SYNM: variants seen among roughly 807,000 people sequenced by gnomAD.
SYNM encodes synemin.
In SYNM, 95 loss-of-function variants were observed where a neutral mutation model predicts 104.0. That is an observed-to-expected ratio of 0.91 (90% CI 0.77 to 1.08). The LOEUF is 1.08. Ranked by LOEUF, SYNM falls within the 50% of genes least tolerant of loss-of-function variation. SYNM has a pLI of 0.00. For synonymous variants in SYNM, 918 were observed against 869.0 expected (o/e 1.06, Z -0.99); for missense variants, 2,150 against 2,052.2 (o/e 1.05, Z -0.92).
At chr15:99,139,111 T>G, downstream of SYNM, 1 of 706,436 alleles carries the variant, frequency 1.4e-6, no homozygotes, top group Non-Finnish European at 2.5e-6. Context: ...TATTTCTGAC[T>G]TAAAGGATGA....
downstream of SYNM, chr15:99,136,787 G>C (rs1050090015): frequency 4.6e-5 from 7 of 152,242 alleles, no homozygotes; most frequent in Non-Finnish European, 1.0e-4. Context: ...CACTGCTGAT[G>C]TCCGACAGGC....
At chr15:99,139,452 G>A, downstream of SYNM, 2 of 1,611,508 alleles carry the variant, frequency 1.2e-6, no homozygotes, top group Non-Finnish European at 1.7e-6. Context: ...GCTGAGAGCA[G>A]GAAACTAAGG....
chr15:99,107,308 G>A (rs547984035), intron 1 of SYNM, among the ~76,000 whole-genome samples: 3 of 152,250 alleles, frequency 2.0e-5, no homozygotes, highest in Admixed American at 1.3e-4. Context: ...AGTGGCCAGG[G>A]GTCTGAGTTC....
intron 1 of SYNM, among the ~76,000 whole-genome samples, chr15:99,107,942 TTTTGTTTTGTTTTTTTTTTGGTTTTG>T (rs1555483005): frequency 8.2e-6 from 1 of 121,772 alleles, no homozygotes; most frequent in African/African-American, 3.9e-5. Context: ...TTTTTTTGTT[TTTTGTTTTGTTTTTTTTTTGGTTTTG>T]GTTTTGGTTT....
In SYNM at chr15:99,130,946, G is replaced by C. The variant is rs1555485718; in HGVS notation, c.2586G>C (p.Arg862Ser). ...QIHIEEESTI[R>S]YSWQDEIVQG... Reference sequence around the variant, plus strand: ...ACATCGAGGAGGAATCCACCATCAGGTACTCTTGGCAGGATGAAATCGTGC... The same window carrying C: ...ACATCGAGGAGGAATCCACCATCAGCTACTCTTGGCAGGATGAAATCGTGC... Residue 862 changes from arginine to serine, a missense_variant, in exon 4 of 4, where the codon AGG becomes AGC. Physicochemically the swap from Arg to Ser is moderately radical, Grantham distance 110. Transcript: ENST00000336292. 1.2e-6 allele frequency: 2 copies of C among 1,613,860 alleles called. No homozygotes were observed. The highest frequency in any genetic ancestry group is 2.2e-5 in the South Asian group (2 of 91,074).
At chr15:99,127,415 G>A (rs2151807931) in intron 3 of SYNM, among the ~76,000 whole-genome samples, 1 of 152,202 alleles carries the variant, frequency 6.6e-6, no homozygotes, top group African/African-American at 2.4e-5. Context: ...AGAAACTGAG[G>A]GATAACTTGT....
At position 99,130,138 on chromosome 15, in the gene SYNM, C is replaced by T. The variant is rs201950062; in HGVS notation, c.1778C>T (p.Pro593Leu). ...VSQDRRAEVS[P>L]KGLQTPVKDA... Reference sequence around the variant, plus strand: ...CAGGACAGAAGAGCAGAGGTGTCCCCGAAAGGTTTGCAGACGCCTGTGAAG... The same window carrying T: ...CAGGACAGAAGAGCAGAGGTGTCCCTGAAAGGTTTGCAGACGCCTGTGAAG... Residue 593 changes from proline (P) to leucine (L), a missense_variant, in exon 4 of 4, where the codon CCG (proline) becomes CTG (leucine). Transcript: ENST00000336292. The T allele has an allele frequency of 9.7e-5, 156 of 1,613,704 alleles. No individual in the cohort carries two copies. The highest frequency in any genetic ancestry group is 1.2e-4 in the Non-Finnish European group (141 of 1,179,888).
intron 2 of SYNM, among the ~76,000 whole-genome samples, chr15:99,125,278 A>G (rs1555484900): frequency 1.3e-5 from 2 of 152,120 alleles, no homozygotes; most frequent in African/African-American, 4.8e-5. Flanking sequence ...CCTGGCTTTT[A>G]CCCCGAATGT....
Position 99,116,206 on chromosome 15 carries a change from G to A in SYNM, c.935+2491G>A, listed in dbSNP as rs543988926. On this transcript the variant is annotated intron_variant, in intron 2 of 3. Transcript: ENST00000336292. ...CAGACTGGACTTCCCAAAGCCCATT[G>A]TTGGCATTCTCCTTGGAAATCTTGT... 5.2e-5 allele frequency among the ~76,000 whole-genome samples: 8 copies of A among 152,386 alleles called. No homozygotes were observed. In the East Asian group the frequency reaches 1.3e-3, roughly 26 times the overall value.
At chr15:99,138,027 C>T (rs370645537), downstream of SYNM, 21 of 1,614,040 alleles carry the variant, frequency 1.3e-5, no homozygotes, top group South Asian at 4.4e-5. Context: ...GCTGTTGTGC[C>T]GGGCCGGGCC....
At chr15:99,129,315 A>G in intron 3 of SYNM, 52 bp from the exon 4 acceptor site, 2 of 1,586,446 alleles carry the variant, frequency 1.3e-6, no homozygotes, top group Non-Finnish European at 1.7e-6. Flanking sequence ...TGTAGATGGA[A>G]AAGGGTAATG....
chr15:99,108,872 C>T (rs2067274060), intron 1 of SYNM, among the ~76,000 whole-genome samples: 1 of 152,200 alleles, frequency 6.6e-6, no homozygotes, highest in Admixed American at 6.5e-5. Context: ...AATTGCTCTT[C>T]CTAAGGGCTA....
At chr15:99,139,644 T>C, downstream of SYNM, 1 of 1,480,460 alleles carries the variant, frequency 6.8e-7, no homozygotes, top group South Asian at 1.2e-5. Flanking sequence ...ATGCAAAAAA[T>C]AGATTTAAAA....
In SYNM at chr15:99,130,494, A is replaced by G. The variant is rs781814000; in HGVS notation, c.2134A>G (p.Ile712Val). 4 of 1,613,932 alleles carry G rather than the reference A, an allele frequency of 2.5e-6. No individual in the cohort carries two copies. Among genetic ancestry groups the G allele is most frequent in the Non-Finnish European group, 2.5e-6 (3 of 1,179,892 alleles). ...CCTGGACTACCTTTTAAGCAAGGATATTAAGGAAGTGGGGCTGAAAGGCAA... is the reference window on the plus strand; with the variant it reads ...CCTGGACTACCTTTTAAGCAAGGATGTTAAGGAAGTGGGGCTGAAAGGCAA... The part of the protein sequence containing the change: ...AGLDYLLSKD[I>V]KEVGLKGKSA... The change falls in exon 4 of 4, where the codon ATT becomes GTT. Residue 712 changes from isoleucine to valine, a missense_variant. Coordinates refer to ENST00000336292, the MANE Select transcript of SYNM (RefSeq NM_145728.3).
chr15:99,108,189 G>C (rs569229072), intron 1 of SYNM, among the ~76,000 whole-genome samples: 2 of 152,178 alleles, frequency 1.3e-5, no homozygotes, highest in South Asian at 4.2e-4. Flanking sequence ...TGGCCAGCCT[G>C]GTCTCAAACT....
intron 2 of SYNM, among the ~76,000 whole-genome samples, chr15:99,126,199 A>T (rs2151807174): frequency 6.6e-6 from 1 of 152,264 alleles, no homozygotes; most frequent in South Asian, 2.1e-4. Context: ...ATGCAGTTTG[A>T]AACCACAGAT....
At chr15:99,125,388 T>C (rs1482190416) in intron 2 of SYNM, among the ~76,000 whole-genome samples, 1 of 152,224 alleles carries the variant, frequency 6.6e-6, no homozygotes, top group Non-Finnish European at 1.5e-5. Context: ...GATTAATGGG[T>C]TGGTGTCCTG....
chr15:99,136,161 C>T (rs1283800472), downstream of SYNM, among the ~76,000 whole-genome samples: 2 of 147,372 alleles, frequency 1.4e-5, no homozygotes, highest in Admixed American at 1.4e-4. Context: ...TAGTCTTCCT[C>T]TCGTTGAAGT....
chr15:99,120,434 G>A (rs981045560), intron 2 of SYNM, among the ~76,000 whole-genome samples: 1 of 152,204 alleles, frequency 6.6e-6, no homozygotes. Flanking sequence ...AGGCCCTGAG[G>A]ACTGTGCTAG....
Sources: allele counts gnomAD v4.1 joint callset (sites outside exome capture counted in the v4.1 genomes callset), GRCh38; gene constraint gnomAD v4.1.1; transcripts MANE v1.5; gene names NCBI Gene and HGNC (gene_info 2026-07-23, HGNC 2026-07-21).